ANK2: variants seen among roughly 807,000 people sequenced by gnomAD.
ANK2 encodes ankyrin-2.
ANK2 carries 83 observed loss-of-function variants against 360.5 expected under a neutral mutation model. The ratio of observed to expected loss-of-function variants is 0.23; its 90% CI spans 0.19 to 0.28. ANK2 has a LOEUF of 0.28. ANK2 is among the 10% of genes least tolerant of loss of function. ANK2 has a pLI of 1.00. For synonymous variants in ANK2, 1,740 were observed against 1,759.5 expected (o/e 0.99, Z 0.28); for missense variants, 4,201 against 4,795.7 (o/e 0.88, Z 3.66).
At chr4:112,783,597 CTTATG>C in the ANK2 span, among the ~76,000 whole-genome samples, 2,672 of 151,642 alleles carry the variant, frequency 0.018, 47 homozygotes, top group East Asian at 0.046. Flanking sequence ...TTGTCTTCAA[CTTATG>C]TTATGAAATC....
At chr4:113,213,903 A>G in intron 4 of ANK2, 1 of 568,166 alleles carries the variant, frequency 1.8e-6, no homozygotes, top group Non-Finnish European at 3.1e-6. Context: ...GAAAAGAGAA[A>G]GAGAACTATG....
In ANK2 at chr4:113,056,310, A is replaced by C. The variant is rs765142499; in HGVS notation, c.84+6498A>C. ...TTCTATTAAAAGTTCTTTTCCATAC[A>C]CTCTTTTCTGAAGTGTTGGAGGTTT... On this transcript the variant is annotated intron_variant, in intron 1 of 45. Coordinates refer to ENST00000357077, the MANE Select transcript of ANK2 (RefSeq NM_001148.6). Among the ~76,000 whole-genome samples, 6 of 151,948 alleles carry C rather than the reference A, an allele frequency of 3.9e-5. 2 individuals are homozygous for C. In the South Asian group the frequency reaches 1.2e-3, roughly 32 times the overall value.
chr4:112,720,481 C>T, the ANK2 span, among the ~76,000 whole-genome samples: 1 of 152,124 alleles, frequency 6.6e-6, no homozygotes, highest in South Asian at 2.1e-4. Context: ...ATAATAGTGT[C>T]CTAATTGGTC....
intron 2 of ANK2, among the ~76,000 whole-genome samples, chr4:112,913,958 A>G (rs2088740132): frequency 6.6e-6 from 1 of 152,162 alleles, no homozygotes; most frequent in Non-Finnish European, 1.5e-5. Flanking sequence ...TTTGTTGAGT[A>G]ATAGTAACAT....
chr4:113,372,769 C>A, intron 43 of ANK2: 1 of 667,800 alleles, frequency 1.5e-6, no homozygotes, highest in Non-Finnish European at 2.5e-6. Context: ...CTCATAAGTT[C>A]TGTTTGCAAA....
chr4:112,981,573 G>A (rs909868670), intron 2 of ANK2, among the ~76,000 whole-genome samples: 13 of 152,316 alleles, frequency 8.5e-5, no homozygotes, highest in African/African-American at 2.4e-4. Flanking sequence ...TTGAGAGGAC[G>A]AGTAGGGTGA....
chr4:112,932,783 C>T (rs748437210), intron 2 of ANK2, among the ~76,000 whole-genome samples: 1 of 152,014 alleles, frequency 6.6e-6, no homozygotes, highest in Non-Finnish European at 1.5e-5. Flanking sequence ...TAAAATTTCA[C>T]TCATGTAAAT....
intron 24 of ANK2, among the ~76,000 whole-genome samples, chr4:113,314,846 A>C (rs1043496062): frequency 6.6e-6 from 1 of 152,232 alleles, no homozygotes; most frequent in Non-Finnish European, 1.5e-5. Context: ...ATACACATTG[A>C]TTAAACAACC....
intron 32 of ANK2, among the ~76,000 whole-genome samples, chr4:113,341,378 A>G (rs1285207782): frequency 2.6e-5 from 4 of 152,264 alleles, no homozygotes. Flanking sequence ...TATATAGTTC[A>G]GAAAACTGAA....
intron 1 of ANK2, among the ~76,000 whole-genome samples, chr4:112,893,589 C>G (rs1236272563): frequency 6.6e-6 from 1 of 152,150 alleles, no homozygotes; most frequent in Non-Finnish European, 1.5e-5. Flanking sequence ...TAATAATGAC[C>G]ATTTATCAAC....
chr4:112,933,471 C>A (rs1270400261), intron 2 of ANK2, among the ~76,000 whole-genome samples: 2 of 151,952 alleles, frequency 1.3e-5, no homozygotes, highest in African/African-American at 4.8e-5. Context: ...AAAAAAAGAG[C>A]CACCTAACTG....
intron 1 of ANK2, among the ~76,000 whole-genome samples, chr4:113,113,385 C>T (rs753006673): frequency 2.0e-5 from 3 of 152,120 alleles, no homozygotes; most frequent in South Asian, 2.1e-4. Flanking sequence ...TGTTATTAAA[C>T]GCTGCCTGAC....
At chr4:113,365,915 C>T (rs2096513245) in intron 41 of ANK2, among the ~76,000 whole-genome samples, 1 of 152,134 alleles carries the variant, frequency 6.6e-6, no homozygotes, top group Non-Finnish European at 1.5e-5. Context: ...AAAATTTCTT[C>T]ACTTTTCTAA....
intron 9 of ANK2, 56 bp downstream of exon 9, chr4:113,242,265 A>G: frequency 1.3e-6 from 2 of 1,482,502 alleles, no homozygotes; most frequent in Non-Finnish European, 1.9e-6. Context: ...CAAGCCTCAT[A>G]GAAGGCACCT....
At chr4:112,745,716 A>G in the ANK2 span, among the ~76,000 whole-genome samples, 1 of 151,960 alleles carries the variant, frequency 6.6e-6, no homozygotes, top group African/African-American at 2.4e-5. Context: ...GATTTTTAGT[A>G]GAGATGGGGT....
chr4:113,356,495 C>T lies in ANK2; in HGVS notation c.7877C>T (p.Pro2626Leu), dbSNP rs754511955. 110 of 1,614,030 alleles carry T rather than the reference C, an allele frequency of 6.8e-5. 1 individual carries two copies. In the Admixed American group the frequency reaches 1.8e-3, roughly 27 times the overall value. ...KQEESSSSSD[P>L]DADCSVDVDE... is the part of the protein sequence containing the mutation. ...GAAGAATCTTCTTCATCTTCTGACC[C>T]AGATGCTGACTGTTCAGTAGATGTG... The change falls in exon 38 of 46, where the codon CCA becomes CTA. Residue 2626 changes from proline to leucine, a missense_variant. By Grantham distance (98) the Pro-to-Leu change is moderately conservative. This residue lies in a region of ANK2 where 2,642 missense variants were observed against 2,714.5 expected (regional missense o/e 0.97). Transcript: ENST00000357077.
chr4:112,952,921 A>T (rs781276122), intron 2 of ANK2, among the ~76,000 whole-genome samples: 13 of 152,200 alleles, frequency 8.5e-5, no homozygotes, highest in Non-Finnish European at 1.3e-4. Flanking sequence ...GTCAAGAGAG[A>T]TTAGGAGATT....
the ANK2 span, among the ~76,000 whole-genome samples, chr4:112,759,491 C>G: frequency 6.6e-6 from 1 of 152,006 alleles, no homozygotes; most frequent in African/African-American, 2.4e-5. Context: ...TCTTTACCTT[C>G]CTAGGAAGTG....
chr4:112,969,474 A>G (rs1160646735), intron 2 of ANK2, among the ~76,000 whole-genome samples: 3 of 152,066 alleles, frequency 2.0e-5, no homozygotes, highest in African/African-American at 7.2e-5. Flanking sequence ...TTTAATGTTG[A>G]CACCTTTTGC....
Sources: gnomAD v4.1 joint callset for allele counts (sites outside exome capture counted in the v4.1 genomes callset) on GRCh38, gnomAD v4.1.1 for gene constraint, gnomAD v4.1.1 regional missense constraint, MANE v1.5 for transcripts, NCBI Gene and HGNC (gene_info 2026-07-23, HGNC 2026-07-21) for gene names.